SPATA6: variants seen among roughly 807,000 people sequenced by gnomAD.
SPATA6 encodes the protein spermatogenesis-associated protein 6.
In SPATA6, 56 loss-of-function variants were observed where a neutral mutation model predicts 65.3. That is an observed-to-expected ratio of 0.86 (90% CI 0.69 to 1.07). SPATA6 has a LOEUF of 1.07. SPATA6 is among the 50% of genes least tolerant of loss of function. SPATA6 has a pLI of 0.00. For missense variants in SPATA6, 590 were observed against 594.8 expected, an observed-to-expected ratio of 0.99 and a Z score of 0.08; for synonymous variants, 199 against 213.2, an observed-to-expected ratio of 0.93 and a Z score of 0.58.
intron 11 of SPATA6, among the ~76,000 whole-genome samples, chr1:48,352,902 A>AT (rs1646550538): frequency 1.5e-5 from 1 of 65,990 alleles, no homozygotes; most frequent in Non-Finnish European, 3.6e-5. Context: ...TCTTTTAAAT[A>AT]CAAAAAAAAA....
chr1:48,266,873 T>G, the SPATA6 span, among the ~76,000 whole-genome samples: 1 of 152,214 alleles, frequency 6.6e-6, no homozygotes, highest in Non-Finnish European at 1.5e-5. Flanking sequence ...GAGCCACTGC[T>G]GGACCACAAA....
intron 5 of SPATA6, among the ~76,000 whole-genome samples, chr1:48,410,408 A>G (rs1652106706): frequency 6.6e-6 from 1 of 152,222 alleles, no homozygotes; most frequent in Non-Finnish European, 1.5e-5. Flanking sequence ...AAACTTTCCC[A>G]CATCTTCCTG....
intron 5 of SPATA6, among the ~76,000 whole-genome samples, chr1:48,405,491 G>C (rs1354242882): frequency 6.6e-6 from 1 of 152,180 alleles, no homozygotes; most frequent in Admixed American, 6.5e-5. Flanking sequence ...AACTTGACTG[G>C]AGTTTGAGAA....
intron 4 of SPATA6, among the ~76,000 whole-genome samples, chr1:48,412,428 CT>C (rs1181882431): frequency 1.3e-5 from 2 of 152,160 alleles, no homozygotes; most frequent in African/African-American, 4.8e-5. Context: ...ATTTTTATGA[CT>C]GTCACAAAAT....
chr1:48,402,392 A>G (rs552579222), intron 6 of SPATA6, among the ~76,000 whole-genome samples: 2 of 151,684 alleles, frequency 1.3e-5, no homozygotes, highest in South Asian at 2.1e-4. Flanking sequence ...CAGCGTGAAG[A>G]AAAAAAAACT....
chr1:48,283,161 C>T, the SPATA6 span, among the ~76,000 whole-genome samples: 19 of 116,826 alleles, frequency 1.6e-4, no homozygotes, highest in Non-Finnish European at 4.9e-5. Context: ...GGAAGGGGAA[C>T]ATCACACTCT....
chr1:48,355,015 C>G (rs1047339938), intron 11 of SPATA6, among the ~76,000 whole-genome samples: 3 of 151,994 alleles, frequency 2.0e-5, no homozygotes, highest in Admixed American at 6.6e-5. Flanking sequence ...CTTATACCCC[C>G]CCAAGACTAA....
chr1:48,305,821 T>C lies in SPATA6; in HGVS notation c.1252A>G (p.Arg418Gly). ...GGGTCACTGTCATAGGCAGAGTCTC[T>C]ACATAAAAGACTTCTTTTCAGTTCC... ...ELELKRSLLC[R>G]DSAYDSDPEY... The change falls in exon 12 of 13, where the codon AGA (arginine) becomes GGA (glycine). Residue 418 changes from arginine to glycine, a missense_variant. Physicochemically the swap from Arg to Gly is moderately radical, Grantham distance 125. Transcript: ENST00000371847. The C allele has an allele frequency of 6.2e-7, 1 of 1,612,344 alleles. No individual in the cohort carries two copies. Among genetic ancestry groups the C allele is most frequent in the South Asian group, 1.1e-5 (1 of 90,986 alleles).
chr1:48,437,175 G>A (rs1260315880), intron 3 of SPATA6: 70 of 1,611,312 alleles, frequency 4.3e-5, no homozygotes, highest in Non-Finnish European at 5.3e-5. Context: ...CTTGGACTGA[G>A]CCAGAATGTG....
At chr1:48,342,034 T>C (rs1309033783) in intron 11 of SPATA6, among the ~76,000 whole-genome samples, 4 of 152,166 alleles carry the variant, frequency 2.6e-5, no homozygotes, top group Admixed American at 6.6e-5. Flanking sequence ...AAAAGTAGAA[T>C]TGATTATGGT....
At chr1:48,447,423 G>A (rs923092992) in intron 3 of SPATA6, among the ~76,000 whole-genome samples, 13 of 152,188 alleles carry the variant, frequency 8.5e-5, no homozygotes, top group Admixed American at 3.3e-4. Context: ...GGAGGCTGAG[G>A]CAGGAGAATC....
chr1:48,284,637 T>C, the SPATA6 span, among the ~76,000 whole-genome samples: 29 of 152,338 alleles, frequency 1.9e-4, no homozygotes, highest in East Asian at 5.4e-3. Context: ...TTTTTGTTGA[T>C]GGTGATGCTA....
chr1:48,435,865 T>C (rs1654891348), intron 3 of SPATA6: 4 of 1,252,238 alleles, frequency 3.2e-6, no homozygotes, highest in Non-Finnish European at 4.6e-6. Context: ...CCATGGTCGC[T>C]GCTAGGTAGG....
intron 1 of SPATA6, among the ~76,000 whole-genome samples, chr1:48,456,593 C>T (rs941746112): frequency 6.6e-6 from 1 of 151,764 alleles, no homozygotes; most frequent in African/African-American, 2.4e-5. Flanking sequence ...GTAAATAATA[C>T]AAAGAACTAA....
the SPATA6 span, among the ~76,000 whole-genome samples, chr1:48,286,738 T>A: frequency 2.6e-5 from 4 of 152,092 alleles, no homozygotes; most frequent in African/African-American, 7.2e-5. Flanking sequence ...TAATTTATTT[T>A]AAAAAATGAG....
In SPATA6 at chr1:48,297,613, T is replaced by C. The variant is rs575077819; in HGVS notation, c.*1100A>G. 2 of 152,316 alleles carry C rather than the reference T, an allele frequency of 1.3e-5. No individual in the cohort carries two copies. Among genetic ancestry groups the C allele is most frequent in the East Asian group, 3.9e-4 (2 of 5,178 alleles). 9.4% of individuals were successfully genotyped at this position (152,316 alleles called of 1,614,324 possible). ...TATCTTTTAGGCAACTCTTCAAGACTATAAGCCCAGTTCACTTATTCCTAC... is the reference window on the plus strand; with the variant it reads ...TATCTTTTAGGCAACTCTTCAAGACCATAAGCCCAGTTCACTTATTCCTAC... On this transcript the variant is annotated 3_prime_UTR_variant, in exon 13 of 13. Coordinates refer to ENST00000371847, the MANE Select transcript of SPATA6 (RefSeq NM_019073.4).
chr1:48,266,384 C>A, the SPATA6 span, among the ~76,000 whole-genome samples: 3,426 of 152,172 alleles, frequency 0.023, 129 homozygotes, highest in African/African-American at 0.077. Flanking sequence ...ACACTCCCAC[C>A]GTGTGACCCA....
chr1:48,354,498 T>C (rs1646601966), intron 11 of SPATA6, among the ~76,000 whole-genome samples: 1 of 151,938 alleles, frequency 6.6e-6, no homozygotes, highest in African/African-American at 2.4e-5. Context: ...AATGGAGGAA[T>C]GAATAAGTAA....
intron 3 of SPATA6, among the ~76,000 whole-genome samples, chr1:48,435,723 C>T (rs945583983): frequency 8.5e-5 from 13 of 152,166 alleles, no homozygotes; most frequent in Admixed American, 6.5e-4. Flanking sequence ...CCCACGGCCC[C>T]GGTCGCGGCC....
Sources: gnomAD v4.1 joint callset for allele counts (sites outside exome capture counted in the v4.1 genomes callset) on GRCh38, gnomAD v4.1.1 for gene constraint, MANE v1.5 for transcripts, NCBI Gene and HGNC (gene_info 2026-07-23, HGNC 2026-07-21) for gene names.